The following NUDT5 variants were observed in gnomAD, a reference collection of about 807,000 sequenced individuals.
NUDT5 encodes the protein ADP-sugar pyrophosphatase.
In NUDT5, 21 loss-of-function variants were observed where a neutral mutation model predicts 34.1. That is an observed-to-expected ratio of 0.62 (90% CI 0.44 to 0.89). The LOEUF is 0.89. NUDT5 is among the 40% of genes least tolerant of loss of function. NUDT5 has a pLI of 0.00. For synonymous variants in NUDT5, 85 were observed against 97.6 expected, an observed-to-expected ratio of 0.87 and a Z score of 0.76; for missense variants, 249 against 274.8, an observed-to-expected ratio of 0.91 and a Z score of 0.66.
chr10:12,190,510 G>C (rs975100943), intron 1 of NUDT5, among the ~76,000 whole-genome samples: 2 of 151,996 alleles, frequency 1.3e-5, no homozygotes, highest in Non-Finnish European at 2.9e-5. Flanking sequence ...AGCACATCTG[G>C]GGCAAAGACC....
Position 12,189,386 on chromosome 10 carries a change from G to A in NUDT5, c.-41-3054C>T, listed in dbSNP as rs139120569. Among the ~76,000 whole-genome samples, 240 of 152,278 alleles carry A rather than the reference G, an allele frequency of 1.6e-3. 1 individual carries two copies. The East Asian group carries it at 0.026, about 16-fold the overall frequency. On this transcript the variant is annotated intron_variant, in intron 1 of 9. Transcript: ENST00000491614. ...CTCCCAAAGTGCTGGGATTACAGGC[G>A]TGAACCACCGTGCCTGGCCGCTAAA...
Position 12,175,051 on chromosome 10 carries a change from G to A in NUDT5, c.290-1238C>T, listed in dbSNP as rs749505803. ...AAAATATAATAAGGCTGGGCGTGGC[G>A]GCCCACACCTGTAACCCCAGCACTT... On this transcript the variant is annotated intron_variant, in intron 5 of 9. Coordinates refer to ENST00000491614, the MANE Select transcript of NUDT5 (RefSeq NM_014142.4). This position sits in a 1 kb window ranked among gnomAD's most constrained non-coding sequence, Gnocchi z 4.8. Among the ~76,000 whole-genome samples, 22 of 152,298 alleles carry A rather than the reference G, an allele frequency of 1.4e-4. No homozygotes were observed. Among genetic ancestry groups the A allele is most frequent in the Admixed American group, 4.6e-4 (7 of 15,300 alleles).
At chr10:12,193,869 CTTTT>C (rs561906932) in intron 1 of NUDT5, among the ~76,000 whole-genome samples, 1 of 143,956 alleles carries the variant, frequency 6.9e-6, no homozygotes, top group African/African-American at 2.5e-5. Flanking sequence ...TCTCTACACT[CTTTT>C]TTTTTTTTTT....
intron 1 of NUDT5, among the ~76,000 whole-genome samples, chr10:12,191,380 C>G (rs1835227510): frequency 6.6e-6 from 1 of 150,882 alleles, no homozygotes; most frequent in South Asian, 2.1e-4. Flanking sequence ...AAGACTCCGT[C>G]TCAAAAACAA....
chr10:12,178,561 A>G (rs960090531), intron 4 of NUDT5, among the ~76,000 whole-genome samples: 2 of 152,252 alleles, frequency 1.3e-5, no homozygotes, highest in Non-Finnish European at 2.9e-5. Context: ...AGAAAAGCCT[A>G]GTGCCCAACT....
intron 9 of NUDT5, 106 bp from the exon 10 acceptor site, chr10:12,167,917 T>G: frequency 2.0e-6 from 3 of 1,510,880 alleles, no homozygotes; most frequent in Non-Finnish European, 2.6e-6. Context: ...TCACTTCCTA[T>G]GCTAGATGCT....
In NUDT5 at chr10:12,178,945, CAT is replaced by C. The variant is rs1835000045; in HGVS notation, c.181+136_181+137del. The C allele has an allele frequency of 4.1e-6, 3 of 726,698 alleles. No individual in the cohort carries two copies. In the Admixed American group the frequency reaches 7.8e-5, roughly 19 times the overall value. 45.0% of individuals were successfully genotyped at this position (726,698 alleles called of 1,614,324 possible). A position where few individuals can be genotyped will look rare whatever the true frequency, so the allele number is the denominator to read the frequency against. ...TTATAAAGAAAGCTTAATTTCGTTA[CAT>C]AGTATGGCAAAACCTAAGCGGAGAT... On this transcript the variant is annotated intron_variant, in intron 4 of 9. Transcript: ENST00000491614.
At chr10:12,194,942 C>T (rs1449865810) in intron 1 of NUDT5, among the ~76,000 whole-genome samples, 2 of 152,182 alleles carry the variant, frequency 1.3e-5, no homozygotes, top group South Asian at 4.1e-4. Flanking sequence ...GCGGGCAGAT[C>T]ACCTAAGGTT....
rs988245018 is a variant in NUDT5 at position 12,169,947 on chromosome 10, T to A, written c.550+770A>T. The A allele has an allele frequency of 3.1e-5, 19 of 604,578 alleles. No individual in the cohort carries two copies. In the African/African-American group the frequency reaches 3.3e-4, roughly 11 times the overall value. The allele number at this position is 604,578 out of a possible 1,614,324, so 37.5% of individuals were successfully genotyped here. On this transcript the variant is annotated intron_variant, in intron 9 of 9. Transcript: ENST00000491614. This position sits in a 1 kb window ranked among gnomAD's most constrained non-coding sequence, Gnocchi z 4.8. The stretch of plus-strand genomic sequence containing the variant: ...TAAAACACTTATACCCAATAAAATA[T>A]TCCCATGATGACAAGTGTCTGCTTC...
At position 12,189,640 on chromosome 10, in the gene NUDT5, G is replaced by A. The variant is rs539831967; in HGVS notation, c.-41-3308C>T. Among the ~76,000 whole-genome samples, 6 of 152,258 alleles carry A rather than the reference G, an allele frequency of 3.9e-5. No homozygotes were observed. In the South Asian group the frequency reaches 1.2e-3, roughly 32 times the overall value. ...AAGCAGAAGCCAAATAGTGCCATTCGGGGGCCAGTCACTGCCAGCAACACG... is the reference window on the plus strand; with the variant it reads ...AAGCAGAAGCCAAATAGTGCCATTCAGGGGCCAGTCACTGCCAGCAACACG... On this transcript the variant is annotated intron_variant, in intron 1 of 9. Coordinates refer to ENST00000491614, the MANE Select transcript of NUDT5 (RefSeq NM_014142.4).
chr10:12,168,295 A>G lies in NUDT5; in HGVS notation c.551-484T>C, dbSNP rs1003339061. ...CGCCTCAGCCTCCCAAAGTGCTGGGATTACAGGCGTGAGCTACCGCACCCA... is the reference window on the plus strand; with the variant it reads ...CGCCTCAGCCTCCCAAAGTGCTGGGGTTACAGGCGTGAGCTACCGCACCCA... On this transcript the variant is annotated intron_variant, in intron 9 of 9. Coordinates refer to ENST00000491614, the MANE Select transcript of NUDT5 (RefSeq NM_014142.4). The surrounding 1 kb of genome is among the most constrained non-coding windows in gnomAD (Gnocchi z 4.8). Among the ~76,000 whole-genome samples, 1 of 152,214 alleles carries G rather than the reference A, an allele frequency of 6.6e-6. No homozygotes were observed. Among genetic ancestry groups the G allele is most frequent in the Non-Finnish European group, 1.5e-5 (1 of 68,040 alleles).
In NUDT5 at chr10:12,187,923, A is replaced by G. The variant is rs973823992; in HGVS notation, c.-41-1591T>C. ...TGGAATCCTAGCCCTTTGGGGGACCAAGAGTCTGAGACCAGCCTGGGTAAC... is the reference window on the plus strand; with the variant it reads ...TGGAATCCTAGCCCTTTGGGGGACCGAGAGTCTGAGACCAGCCTGGGTAAC... On this transcript the variant is annotated intron_variant, in intron 1 of 9. Transcript: ENST00000491614. This position sits in a 1 kb window ranked among gnomAD's most constrained non-coding sequence, Gnocchi z 5.4. 6.6e-6 allele frequency among the ~76,000 whole-genome samples: 1 copy of G among 152,126 alleles called. No individual in the cohort carries two copies. The highest frequency in any genetic ancestry group is 2.4e-5 in the African/African-American group (1 of 41,420).
intron 4 of NUDT5, 119 bp from the exon 5 acceptor site, chr10:12,178,019 T>C (rs1834984275): frequency 1.6e-6 from 1 of 617,206 alleles, no homozygotes; most frequent in Non-Finnish European, 2.9e-6. Context: ...TAATCTACAA[T>C]ACTGGCAGTT....
chr10:12,194,923 G>A (rs1835305464), intron 1 of NUDT5, among the ~76,000 whole-genome samples: 1 of 152,216 alleles, frequency 6.6e-6, no homozygotes, highest in Non-Finnish European at 1.5e-5. Context: ...AGCACTTTGG[G>A]AGGCTGAGGC....
intron 1 of NUDT5, among the ~76,000 whole-genome samples, chr10:12,188,728 T>TAAAA (rs1230471724): frequency 1.6e-4 from 12 of 74,670 alleles, no homozygotes; most frequent in African/African-American, 3.0e-4. Flanking sequence ...AGACTCCATC[T>TAAAA]AAAAAAAAAA....
intron 1 of NUDT5, among the ~76,000 whole-genome samples, chr10:12,191,106 G>A (rs1314185071): frequency 3.3e-5 from 5 of 152,058 alleles, no homozygotes; most frequent in East Asian, 1.9e-4. Context: ...AGGAAAGGCC[G>A]GGCACAGTGG....
chr10:12,169,578 C>G lies in NUDT5; in HGVS notation c.550+1139G>C. On this transcript the variant is annotated intron_variant, in intron 9 of 9. Coordinates refer to ENST00000491614, the MANE Select transcript of NUDT5 (RefSeq NM_014142.4). The surrounding 1 kb of genome is among the most constrained non-coding windows in gnomAD (Gnocchi z 4.8). ...ATACGCACCAGATAAACTATTGTAT[C>G]TATTCAGTATGATTGTTCTAACTCT... 1 of 407,858 alleles carries G rather than the reference C, an allele frequency of 2.5e-6. No individual in the cohort carries two copies. Among genetic ancestry groups the G allele is most frequent in the South Asian group, 4.0e-5 (1 of 25,198 alleles). 25.3% of individuals were successfully genotyped at this position (407,858 alleles called of 1,614,324 possible).
chr10:12,167,560 A>G lies in NUDT5; in HGVS notation c.*142T>C, dbSNP rs1834733197. 1 of 721,092 alleles carries G rather than the reference A, an allele frequency of 1.4e-6. No homozygotes were observed. Among genetic ancestry groups the G allele is most frequent in the Non-Finnish European group, 2.2e-6 (1 of 445,350 alleles). The allele number at this position is 721,092 out of a possible 1,614,324, so 44.7% of individuals were successfully genotyped here. On this transcript the variant is annotated 3_prime_UTR_variant, in exon 10 of 10. Coordinates refer to ENST00000491614, the MANE Select transcript of NUDT5 (RefSeq NM_014142.4). ...ACAACCTACCTGTAATTACAATTCC[A>G]TACCACCACCACATCTGTTCTGTGC...
At position 12,168,761 on chromosome 10, in the gene NUDT5, T is replaced by A. The variant is rs140391936; in HGVS notation, c.551-950A>T. On this transcript the variant is annotated intron_variant, in intron 9 of 9. Coordinates refer to ENST00000491614, the MANE Select transcript of NUDT5 (RefSeq NM_014142.4). The surrounding 1 kb of genome is among the most constrained non-coding windows in gnomAD (Gnocchi z 4.8). ...TCTTTGTAGCAAACTGATCTTTTTT[T>A]AATTTTTTTTTTATGTTTTTGAGAT... Among the ~76,000 whole-genome samples the A allele has an allele frequency of 6.7e-3, 1,015 of 152,174 alleles. 9 individuals are homozygous for A. The highest frequency in any genetic ancestry group is 0.02 in the African/African-American group (810 of 41,516).
Sources: gnomAD v4.1 joint callset for allele counts (sites outside exome capture counted in the v4.1 genomes callset) on GRCh38, gnomAD v4.1.1 for gene constraint, Gnocchi (gnomAD v3.1) non-coding constraint, MANE v1.5 for transcripts, NCBI Gene and HGNC (gene_info 2026-07-23, HGNC 2026-07-21) for gene names.